The following GNPDA2 variants were observed in gnomAD, a reference collection of about 807,000 sequenced individuals.
The protein encoded by GNPDA2 is glucosamine-6-phosphate deaminase 2, also known as glcN6P deaminase 2.
A neutral mutation model predicts 27.0 loss-of-function variants in GNPDA2; 24 were observed. The observed-to-expected ratio is 0.89, with a 90% CI of 0.64 to 1.25. The LOEUF is 1.25. GNPDA2 is among the 50% of genes most tolerant of loss of function. The pLI, the probability that GNPDA2 is intolerant of heterozygous loss-of-function variation, is 0.00. For missense variants in GNPDA2, 286 were observed against 335.1 expected, an observed-to-expected ratio of 0.85 and a Z score of 1.14; for synonymous variants, 94 against 108.4, an observed-to-expected ratio of 0.87 and a Z score of 0.83.
intron 4 of GNPDA2, chr4:44,714,577 ATC>A: frequency 1.0e-6 from 1 of 984,358 alleles, no homozygotes; most frequent in Non-Finnish European, 1.2e-6. Flanking sequence ...CCAAACTGCA[ATC>A]TCTATTTCAA....
intron 5 of GNPDA2, among the ~76,000 whole-genome samples, chr4:44,708,756 T>TA (rs1193299023): frequency 1.3e-5 from 2 of 152,092 alleles, no homozygotes; most frequent in Non-Finnish European, 2.9e-5. Context: ...ACAATTGTTT[T>TA]AAAAAACAAT....
chr4:44,702,811 C>T lies in GNPDA2; in HGVS notation c.*270G>A. The T allele has an allele frequency of 7.9e-7, 1 of 1,262,308 alleles. No homozygotes were observed. Among genetic ancestry groups the T allele is most frequent in the Non-Finnish European group, 9.9e-7 (1 of 1,005,734 alleles). 78.2% of individuals were successfully genotyped at this position (1,262,308 alleles called of 1,614,324 possible). On this transcript the variant is annotated 3_prime_UTR_variant, in exon 7 of 7. Transcript: ENST00000295448. ...CCTTTAAAATGACTTTTTAAACAGG[C>T]AGACATTTCTATGCTGTTTTATAGG... is the stretch of plus-strand genomic sequence containing the variant.
intron 4 of GNPDA2, among the ~76,000 whole-genome samples, chr4:44,716,445 T>G (rs185432999): frequency 6.6e-6 from 1 of 151,934 alleles, no homozygotes; most frequent in Non-Finnish European, 1.5e-5. Context: ...CTGTCTGCGA[T>G]AGTTTACACT....
At chr4:44,703,871 T>A (rs1435720594) in intron 6 of GNPDA2, 1 of 984,916 alleles carries the variant, frequency 1.0e-6, no homozygotes, top group Non-Finnish European at 1.2e-6. Flanking sequence ...GAGAAAAAAG[T>A]TCTAAAAAGA....
At chr4:44,719,130 C>T (rs766394130) in intron 2 of GNPDA2, among the ~76,000 whole-genome samples, 2 of 151,846 alleles carry the variant, frequency 1.3e-5, no homozygotes, top group African/African-American at 2.4e-5. Context: ...TTTAGCCACT[C>T]GAGGATGGCC....
Position 44,702,931 on chromosome 4 carries a change from A to C in GNPDA2, c.*150T>G. On this transcript the variant is annotated 3_prime_UTR_variant, in exon 7 of 7. Coordinates refer to ENST00000295448, the MANE Select transcript of GNPDA2 (RefSeq NM_138335.3). ...CCCAAGTACAAGATATAAATATTCA[A>C]AATATGGAATGTTTAACATAGAGAC... The C allele has an allele frequency of 6.8e-7, 1 of 1,470,300 alleles. No individual in the cohort carries two copies. Among genetic ancestry groups the C allele is most frequent in the Non-Finnish European group, 8.9e-7 (1 of 1,121,442 alleles). 91.1% of individuals were successfully genotyped at this position (1,470,300 alleles called of 1,614,324 possible).
In GNPDA2 at chr4:44,717,130, ATTCC is replaced by A; in HGVS notation, c.388_391del (p.Gly130Ter). ...TTACATACCTCCAACAAAAAGATCT[ATTCC>A]TCCAGCTTCTTTTATTTTGTTTTCA... On this transcript the variant is annotated frameshift_variant, in exon 4 of 7. Coordinates refer to ENST00000295448, the MANE Select transcript of GNPDA2 (RefSeq NM_138335.3). LOFTEE classifies it high-confidence loss of function. 6.2e-7 allele frequency: 1 copy of A among 1,605,640 alleles called. No homozygotes were observed. The highest frequency in any genetic ancestry group is 1.1e-5 in the South Asian group (1 of 88,746).
At chr4:44,704,442 C>G in intron 6 of GNPDA2, 1 of 887,494 alleles carries the variant, frequency 1.1e-6, no homozygotes, top group Non-Finnish European at 1.3e-6. Context: ...AAAATACATG[C>G]AAATTAAAAT....
intron 1 of GNPDA2, among the ~76,000 whole-genome samples, chr4:44,723,331 G>A (rs1717797271): frequency 6.6e-6 from 1 of 151,970 alleles, no homozygotes; most frequent in East Asian, 1.9e-4. Context: ...CTAGGTCTGG[G>A]GTTTTGGTGT....
intron 4 of GNPDA2, among the ~76,000 whole-genome samples, chr4:44,716,567 A>C (rs1477965861): frequency 6.6e-6 from 1 of 151,868 alleles, no homozygotes; most frequent in African/African-American, 2.4e-5. Flanking sequence ...ATTAAACATT[A>C]ATTTTGGAAT....
At chr4:44,723,172 T>G (rs1281504910) in intron 1 of GNPDA2, among the ~76,000 whole-genome samples, 1 of 152,186 alleles carries the variant, frequency 6.6e-6, no homozygotes, top group Non-Finnish European at 1.5e-5. Context: ...GGTTGACTTA[T>G]ACCATGAAAG....
rs571937650 is a variant in GNPDA2, at chr4:44,708,080, T to C, written c.595-154A>G. On this transcript the variant is annotated intron_variant, in intron 5 of 6. Coordinates refer to ENST00000295448, the MANE Select transcript of GNPDA2 (RefSeq NM_138335.3). ...TAGTTCAAGGTATTCATTTCTACTT[T>C]TTAAGATTAACAAGCACAAAATGTT... Among the ~76,000 whole-genome samples the C allele has an allele frequency of 2.6e-3, 398 of 152,278 alleles. 1 individual carries two copies. Among genetic ancestry groups the C allele is most frequent in the African/African-American group, 9.4e-3 (390 of 41,576 alleles).
chr4:44,712,109 G>T (rs1050381294), intron 4 of GNPDA2, among the ~76,000 whole-genome samples: 2 of 152,098 alleles, frequency 1.3e-5, no homozygotes, highest in African/African-American at 4.8e-5. Context: ...TGAAGGAAAT[G>T]GAAGGTAATT....
intron 6 of GNPDA2, chr4:44,704,005 G>C: frequency 1.0e-6 from 1 of 985,214 alleles, no homozygotes; most frequent in Non-Finnish European, 1.2e-6. Flanking sequence ...CAGGAAATGG[G>C]ATTACTGGAT....
chr4:44,706,599 T>G (rs2109693662), intron 6 of GNPDA2: 1 of 152,022 alleles, frequency 6.6e-6, no homozygotes, highest in African/African-American at 2.4e-5. Context: ...GATTATATAC[T>G]TTATTTCTGA....
chr4:44,713,124 T>G (rs1480867976), intron 4 of GNPDA2, among the ~76,000 whole-genome samples: 1 of 152,210 alleles, frequency 6.6e-6, no homozygotes, highest in Non-Finnish European at 1.5e-5. Flanking sequence ...CAGCTCGGTA[T>G]AGTTTATTCC....
intron 1 of GNPDA2, among the ~76,000 whole-genome samples, chr4:44,722,793 T>C (rs1224961505): frequency 6.6e-6 from 1 of 152,170 alleles, no homozygotes; most frequent in Non-Finnish European, 1.5e-5. Context: ...CCCCAACAGA[T>C]ACTAGGGACA....
intron 1 of GNPDA2, among the ~76,000 whole-genome samples, chr4:44,724,190 G>A (rs114798709): frequency 6.6e-6 from 1 of 151,898 alleles, no homozygotes; most frequent in African/African-American, 2.4e-5. Flanking sequence ...TCTCTTTTAG[G>A]AAGTCAGCAC....
At chr4:44,712,170 T>C (rs1717019642) in intron 4 of GNPDA2, among the ~76,000 whole-genome samples, 2 of 152,118 alleles carry the variant, frequency 1.3e-5, no homozygotes, top group South Asian at 4.1e-4. Context: ...TCGAGTTTTA[T>C]TTATAAGTAC....
Sources: allele counts gnomAD v4.1 joint callset (sites outside exome capture counted in the v4.1 genomes callset), GRCh38; gene constraint gnomAD v4.1.1; transcripts MANE v1.5; gene names NCBI Gene and HGNC (gene_info 2026-07-23, HGNC 2026-07-21).